The following CUX2 variants were observed in gnomAD, a reference collection of about 807,000 sequenced individuals.
CUX2 encodes homeobox protein cut-like 2.
A neutral mutation model predicts 144.8 loss-of-function variants in CUX2; 40 were observed. That is an observed-to-expected ratio of 0.28 (90% CI 0.21 to 0.36). CUX2 has a LOEUF of 0.36. Ranked by LOEUF, CUX2 falls within the 10% of genes least tolerant of loss-of-function variation. The pLI, the probability that CUX2 is intolerant of heterozygous loss-of-function variation, is 1.00. For synonymous variants in CUX2, 827 were observed against 875.6 expected, an observed-to-expected ratio of 0.94 and a Z score of 0.98; for missense variants, 1,615 against 1,994.0, an observed-to-expected ratio of 0.81 and a Z score of 3.62.
chr12:111,060,087 G>A (rs1192411063), intron 1 of CUX2, among the ~76,000 whole-genome samples: 1 of 152,048 alleles, frequency 6.6e-6, no homozygotes, highest in East Asian at 1.9e-4. Flanking sequence ...GATCTTTATT[G>A]AAACCGAATC....
At chr12:111,050,074 C>T (rs1476338701) in intron 1 of CUX2, among the ~76,000 whole-genome samples, 1 of 152,172 alleles carries the variant, frequency 6.6e-6, no homozygotes, top group African/African-American at 2.4e-5. Context: ...CCTACATCCT[C>T]CTCTCCTGCT....
intron 3 of CUX2, among the ~76,000 whole-genome samples, chr12:111,219,393 A>G (rs922143465): frequency 6.6e-6 from 1 of 152,112 alleles, no homozygotes; most frequent in Non-Finnish European, 1.5e-5. Context: ...ACAAAAAAAA[A>G]AAAAAATAGA....
At chr12:111,157,919 A>T (rs1444929395) in intron 1 of CUX2, among the ~76,000 whole-genome samples, 3 of 152,218 alleles carry the variant, frequency 2.0e-5, no homozygotes, top group African/African-American at 7.2e-5. Flanking sequence ...GATTAGCACA[A>T]CATCCATGAG....
At position 111,322,383 on chromosome 12, in the gene CUX2, G is replaced by A. The variant is rs1171814224; in HGVS notation, c.2767-38G>A. The A allele has an allele frequency of 1.3e-6, 2 of 1,520,868 alleles. No individual in the cohort carries two copies. The highest frequency in any genetic ancestry group is 2.5e-5 in the East Asian group (1 of 40,212). 94.2% of individuals were successfully genotyped at this position (1,520,868 alleles called of 1,614,324 possible). On this transcript the variant is annotated intron_variant, in intron 17 of 21. Coordinates refer to ENST00000261726, the MANE Select transcript of CUX2 (RefSeq NM_015267.4). The surrounding 1 kb of genome is among the most constrained non-coding windows in gnomAD (Gnocchi z 4.2). ...AGTGAGGGCCAGGCCCATGTCCCAGGGGCCTGCTGACCTACCCCCCTGGCC... is the reference window on the plus strand; with the variant it reads ...AGTGAGGGCCAGGCCCATGTCCCAGAGGCCTGCTGACCTACCCCCCTGGCC...
chr12:111,220,743 C>CAAAAAAAAAA (rs549438290), intron 3 of CUX2, among the ~76,000 whole-genome samples: 8 of 39,132 alleles, frequency 2.0e-4, no homozygotes, highest in African/African-American at 7.3e-4. Flanking sequence ...CTCATCTCTG[C>CAAAAAAAAAA]AAAAAAAAAA....
intron 16 of CUX2, among the ~76,000 whole-genome samples, chr12:111,319,032 GGCTGGGCACAGTGGCTCGA>G (rs1206379209): frequency 2.2e-4 from 34 of 152,254 alleles, no homozygotes; most frequent in African/African-American, 7.5e-4. Flanking sequence ...ACAAGTGAAG[GGCTGGGCACAGTGGCTCGA>G]GCCTGTAATC....
intron 9 of CUX2, among the ~76,000 whole-genome samples, chr12:111,299,301 G>A (rs962090723): frequency 3.9e-5 from 6 of 152,244 alleles, no homozygotes; most frequent in African/African-American, 1.4e-4. Context: ...GGGGCCTCTT[G>A]GAAGACATTT....
chr12:111,187,080 C>T (rs1879587295), intron 1 of CUX2, among the ~76,000 whole-genome samples: 1 of 152,198 alleles, frequency 6.6e-6, no homozygotes, highest in African/African-American at 2.4e-5. Context: ...TGCCTGGCAG[C>T]ATGATGTATA....
At chr12:111,218,039 T>TCTCCAAAGCTTC in intron 3 of CUX2, 102 bp downstream of exon 3, 9 of 1,217,794 alleles carry the variant, frequency 7.4e-6, no homozygotes, top group Non-Finnish European at 1.1e-5. Context: ...TCCAGAAGCT[T>TCTCCAAAGCTTC]TGGAGAAGCT....
chr12:111,345,615 G>A (rs867709492), intron 21 of CUX2, among the ~76,000 whole-genome samples: 24 of 150,742 alleles, frequency 1.6e-4, no homozygotes, highest in African/African-American at 3.9e-4. Context: ...GGTGGCGGGC[G>A]CCTGTAGTCC....
At chr12:111,208,260 G>A (rs1323822315) in intron 1 of CUX2, among the ~76,000 whole-genome samples, 1 of 152,080 alleles carries the variant, frequency 6.6e-6, no homozygotes, top group Non-Finnish European at 1.5e-5. Flanking sequence ...ATGTCTGAGT[G>A]TGAGGTGTCC....
chr12:111,299,034 C>G (rs1056037892), intron 9 of CUX2, among the ~76,000 whole-genome samples: 1 of 152,352 alleles, frequency 6.6e-6, no homozygotes, highest in Middle Eastern at 3.4e-3. Context: ...CAGAGTCAGG[C>G]AGGACTTTAA....
chr12:111,133,004 G>A (rs936216382), intron 1 of CUX2, among the ~76,000 whole-genome samples: 2 of 152,144 alleles, frequency 1.3e-5, no homozygotes, highest in Admixed American at 6.5e-5. Context: ...TCTAGGGCAG[G>A]GGCAAAATGC....
At chr12:111,339,846 G>A (rs1474777565) in intron 20 of CUX2, among the ~76,000 whole-genome samples, 1 of 152,186 alleles carries the variant, frequency 6.6e-6, no homozygotes, top group Non-Finnish European at 1.5e-5. Flanking sequence ...CTTGCCGTGT[G>A]ACAACCTCAA....
At chr12:111,117,496 C>T (rs1475090695) in intron 1 of CUX2, among the ~76,000 whole-genome samples, 1 of 152,192 alleles carries the variant, frequency 6.6e-6, no homozygotes, top group African/African-American at 2.4e-5. Context: ...CCTCATTCAA[C>T]CACAAGAAGC....
At chr12:111,191,644 T>C (rs532687939) in intron 1 of CUX2, among the ~76,000 whole-genome samples, 170 of 152,332 alleles carry the variant, frequency 1.1e-3, no homozygotes, top group South Asian at 8.3e-3. Flanking sequence ...GTTATTCTTA[T>C]GACTGGTCTG....
Position 111,334,489 on chromosome 12 carries a change from C to G in CUX2, c.2975C>G (p.Thr992Arg). 1 of 1,613,102 alleles carries G rather than the reference C, an allele frequency of 6.2e-7. No homozygotes were observed. Among genetic ancestry groups the G allele is most frequent in the Non-Finnish European group, 8.5e-7 (1 of 1,179,470 alleles). ...TCACCATCCCCACCCCCCAGCCCCA[C>G]AGAGCCTGAGAAGAGCTCCCAGGAG... ...RSSPSPPPSP[T>R]EPEKSSQEPL... The change falls in exon 19 of 22, where the codon ACA (threonine) becomes AGA (arginine). Residue 992 changes from threonine to arginine, a missense_variant. Transcript: ENST00000261726.
intron 1 of CUX2, among the ~76,000 whole-genome samples, chr12:111,111,468 C>G (rs1162971340): frequency 6.6e-6 from 1 of 152,214 alleles, no homozygotes; most frequent in African/African-American, 2.4e-5. Flanking sequence ...TCTCCCCGAT[C>G]TCCAAGGCCC....
chr12:111,235,655 AG>A (rs1410549086), intron 3 of CUX2, among the ~76,000 whole-genome samples: 2 of 152,050 alleles, frequency 1.3e-5, no homozygotes, highest in Non-Finnish European at 2.9e-5. Flanking sequence ...CTGGAGGCAG[AG>A]ATTGCAGTGA....
Sources: allele counts gnomAD v4.1 joint callset (sites outside exome capture counted in the v4.1 genomes callset), GRCh38; gene constraint gnomAD v4.1.1; non-coding constraint Gnocchi (gnomAD v3.1); transcripts MANE v1.5; gene names NCBI Gene and HGNC (gene_info 2026-07-23, HGNC 2026-07-21).